PLPPR1: variants seen among roughly 807,000 people sequenced by gnomAD.
PLPPR1 encodes the protein phospholipid phosphatase related 1.
A neutral mutation model predicts 33.1 loss-of-function variants in PLPPR1; 10 were observed. That is an observed-to-expected ratio of 0.30 (90% CI 0.19 to 0.51). The LOEUF (loss-of-function observed/expected upper bound fraction) is 0.51. Among genes scored for constraint, PLPPR1 ranks in the 20% least tolerant of loss-of-function variants. PLPPR1 has a pLI of 0.97. For missense variants in PLPPR1, 304 were observed against 408.1 expected, an observed-to-expected ratio of 0.74 and a Z score of 2.20; for synonymous variants, 151 against 151.0, an observed-to-expected ratio of 1.00 and a Z score of 0.00.
chr9:101,182,506 A>T (rs1003437859), intron 1 of PLPPR1, among the ~76,000 whole-genome samples: 2 of 151,736 alleles, frequency 1.3e-5, no homozygotes, highest in Non-Finnish European at 2.9e-5. Context: ...TATAACTATT[A>T]TTTGTCAATT....
chr9:101,161,606 G>C (rs1354584551), intron 1 of PLPPR1, among the ~76,000 whole-genome samples: 1 of 152,012 alleles, frequency 6.6e-6, no homozygotes, highest in African/African-American at 2.4e-5. Flanking sequence ...TTATTATGGG[G>C]GTTCATTAAG....
chr9:101,289,099 T>C (rs1037734964), intron 4 of PLPPR1, among the ~76,000 whole-genome samples: 1 of 152,194 alleles, frequency 6.6e-6, no homozygotes, highest in African/African-American at 2.4e-5. Context: ...CGGCTTCACA[T>C]GGCCTCCAAA....
chr9:101,293,889 A>T (rs1268317530), intron 4 of PLPPR1, among the ~76,000 whole-genome samples: 2 of 151,572 alleles, frequency 1.3e-5, no homozygotes, highest in Middle Eastern at 3.2e-3. Flanking sequence ...TCACAATTAA[A>T]AGAACTAGAA....
intron 4 of PLPPR1, among the ~76,000 whole-genome samples, chr9:101,302,150 T>C (rs939423310): frequency 2.0e-5 from 3 of 152,232 alleles, no homozygotes; most frequent in African/African-American, 7.2e-5. Flanking sequence ...TTTCCTCACC[T>C]GTAAAATGTA....
intron 1 of PLPPR1, among the ~76,000 whole-genome samples, chr9:101,123,851 T>G (rs1237252923): frequency 2.0e-5 from 3 of 152,138 alleles, no homozygotes; most frequent in Non-Finnish European, 2.9e-5. Flanking sequence ...TAGATTATAG[T>G]GCGTCAGGGT....
intron 2 of PLPPR1, among the ~76,000 whole-genome samples, chr9:101,216,890 A>ATT (rs1826808431): frequency 6.6e-6 from 1 of 152,222 alleles, no homozygotes; most frequent in South Asian, 2.1e-4. Context: ...GTTGAGAACC[A>ATT]CTGAGCTAAA....
chr9:101,159,531 G>A (rs190303100), intron 1 of PLPPR1, among the ~76,000 whole-genome samples: 3 of 152,306 alleles, frequency 2.0e-5, no homozygotes, highest in Admixed American at 6.5e-5. Flanking sequence ...AGAGACTTCC[G>A]TTTGGGCTAT....
chr9:101,127,653 A>C (rs1831262615), intron 1 of PLPPR1, among the ~76,000 whole-genome samples: 1 of 152,182 alleles, frequency 6.6e-6, no homozygotes, highest in South Asian at 2.1e-4. Flanking sequence ...CGAGCCCTGG[A>C]TTCTATCCAA....
chr9:101,248,412 G>A (rs1358379428), intron 2 of PLPPR1, among the ~76,000 whole-genome samples: 2 of 152,084 alleles, frequency 1.3e-5, no homozygotes, highest in Non-Finnish European at 2.9e-5. Context: ...GACAAGGCAT[G>A]CTCAGGCATA....
At chr9:101,171,211 G>A (rs1825937101) in intron 1 of PLPPR1, among the ~76,000 whole-genome samples, 1 of 152,080 alleles carries the variant, frequency 6.6e-6, no homozygotes, top group Non-Finnish European at 1.5e-5. Context: ...GAGGGAGAAT[G>A]AGGTATTTGT....
intron 1 of PLPPR1, among the ~76,000 whole-genome samples, chr9:101,135,959 G>T (rs779216277): frequency 3.9e-5 from 6 of 152,204 alleles, no homozygotes; most frequent in Non-Finnish European, 4.4e-5. Context: ...GAGGAGGCAG[G>T]TCAGAAACCG....
At chr9:101,274,527 C>T (rs1264368869) in intron 3 of PLPPR1, among the ~76,000 whole-genome samples, 8 of 152,162 alleles carry the variant, frequency 5.3e-5, no homozygotes, top group Non-Finnish European at 7.4e-5. Context: ...CTGCTAATGG[C>T]GCTTGATTTT....
intron 1 of PLPPR1, among the ~76,000 whole-genome samples, chr9:101,039,613 G>A (rs1335963174): frequency 6.6e-6 from 1 of 152,110 alleles, no homozygotes; most frequent in Non-Finnish European, 1.5e-5. Context: ...AAAGGAAAGA[G>A]GTTTAATGGA....
At chr9:101,035,527 A>G (rs916100577) in intron 1 of PLPPR1, among the ~76,000 whole-genome samples, 1 of 151,362 alleles carries the variant, frequency 6.6e-6, no homozygotes, top group Non-Finnish European at 1.5e-5. Flanking sequence ...TCTTCCCCTA[A>G]CTCCTTTGGG....
intron 1 of PLPPR1, among the ~76,000 whole-genome samples, chr9:101,181,608 ATGTGTGTG>A (rs374750617): frequency 7.7e-6 from 1 of 129,624 alleles, no homozygotes; most frequent in African/African-American, 2.7e-5. Flanking sequence ...GGGTATATGT[ATGTGTGTG>A]TGTGTGTGTG....
At chr9:101,237,808 A>T (rs1827337474) in intron 2 of PLPPR1, among the ~76,000 whole-genome samples, 1 of 98,032 alleles carries the variant, frequency 1.0e-5, no homozygotes, top group Non-Finnish European at 1.9e-5. Context: ...GTAGTATTCC[A>T]TTGTGTGCAT....
Position 101,309,458 on chromosome 9 carries a change from C to T in PLPPR1, c.633C>T (p.Ala211=). ...AALSIYSALY[A]TMYITSTIKT... is the part of the protein sequence containing the mutation. ...TGAGCATTTACTCCGCCTTATATGCCACGGTGAGTGTGCAAGTCTTGTCTC... is the reference window on the plus strand; with the variant it reads ...TGAGCATTTACTCCGCCTTATATGCTACGGTGAGTGTGCAAGTCTTGTCTC... Residue 211 remains alanine (A), a synonymous_variant, in exon 5 of 8, where the codon GCC becomes GCT. Transcript: ENST00000374874. 1 of 1,613,668 alleles carries T rather than the reference C, an allele frequency of 6.2e-7. No homozygotes were observed.
At chr9:101,220,040 C>A (rs1387796892) in intron 2 of PLPPR1, among the ~76,000 whole-genome samples, 2 of 152,188 alleles carry the variant, frequency 1.3e-5, no homozygotes, top group Non-Finnish European at 2.9e-5. Context: ...TTCTCTAGAT[C>A]TGGGTTTCTT....
intron 7 of PLPPR1, among the ~76,000 whole-genome samples, chr9:101,322,156 C>A (rs1829163786): frequency 8.1e-6 from 1 of 123,260 alleles, no homozygotes; most frequent in Non-Finnish European, 1.6e-5. Context: ...CGAGATTGTA[C>A]CTTTGCACTC....
Sources: gnomAD v4.1 joint callset for allele counts (sites outside exome capture counted in the v4.1 genomes callset) on GRCh38, gnomAD v4.1.1 for gene constraint, MANE v1.5 for transcripts, NCBI Gene and HGNC (gene_info 2026-07-23, HGNC 2026-07-21) for gene names.